THSD7A: variants seen among roughly 807,000 people sequenced by gnomAD.
THSD7A encodes thrombospondin type 1 domain containing 7A.
THSD7A carries 96 observed loss-of-function variants against 231.3 expected under a neutral mutation model. That is an observed-to-expected ratio of 0.41 (90% confidence interval 0.35 to 0.49). The LOEUF (loss-of-function observed/expected upper bound fraction) is 0.49, where lower values mean the gene tolerates loss of function less well. Ranked by LOEUF, THSD7A falls within the 20% of genes least tolerant of loss-of-function variation. The probability of loss-of-function intolerance (pLI) is 0.05; values close to 1 mark genes in which losing one functional copy is unlikely to be tolerated. For synonymous variants in THSD7A, 940 were observed against 743.3 expected (o/e 1.26, Z -4.30); for missense variants, 2,290 against 2,070.2 (o/e 1.11, Z -2.06).
intron 14 of THSD7A, among the ~76,000 whole-genome samples, chr7:11,427,049 G>C (rs1222269990): frequency 6.6e-6 from 1 of 152,122 alleles, no homozygotes; most frequent in Non-Finnish European, 1.5e-5. Context: ...TATATTTATA[G>C]ATTGATCTAT....
chr7:11,811,601 C>T (rs995493330), intron 1 of THSD7A, among the ~76,000 whole-genome samples: 2 of 152,090 alleles, frequency 1.3e-5, no homozygotes, highest in Non-Finnish European at 2.9e-5. Context: ...TTAAAGTACA[C>T]GAGACAGAAT....
At chr7:11,651,555 T>G (rs899960232) in intron 1 of THSD7A, among the ~76,000 whole-genome samples, 1 of 152,042 alleles carries the variant, frequency 6.6e-6, no homozygotes, top group South Asian at 2.1e-4. Flanking sequence ...CCCACCCTTT[T>G]TTAGTCATGT....
At chr7:11,532,975 A>T (rs1380979363) in intron 6 of THSD7A, among the ~76,000 whole-genome samples, 1 of 152,224 alleles carries the variant, frequency 6.6e-6, no homozygotes. Flanking sequence ...TGATTCACAG[A>T]AGACCCTCTC....
chr7:11,784,248 G>GTA (rs1467981771), intron 1 of THSD7A, among the ~76,000 whole-genome samples: 105 of 149,330 alleles, frequency 7.0e-4, no homozygotes, highest in South Asian at 4.0e-3. Context: ...GTGTGTGTGT[G>GTA]TATATATATA....
At chr7:11,399,359 T>A (rs1016359846) in intron 23 of THSD7A, among the ~76,000 whole-genome samples, 1 of 152,242 alleles carries the variant, frequency 6.6e-6, no homozygotes, top group Non-Finnish European at 1.5e-5. Context: ...ATTTTATTTA[T>A]GGTAATGACA....
At chr7:11,548,420 C>T (rs553384900) in intron 4 of THSD7A, among the ~76,000 whole-genome samples, 1 of 152,070 alleles carries the variant, frequency 6.6e-6, no homozygotes, top group Non-Finnish European at 1.5e-5. Context: ...CAGTTGAATT[C>T]TACCATATAT....
Position 11,474,763 on chromosome 7 carries a change from A to G in THSD7A, c.2018-195T>C, listed in dbSNP as rs1786088150. Among the ~76,000 whole-genome samples, 1 of 152,150 alleles carries G rather than the reference A, an allele frequency of 6.6e-6. No homozygotes were observed. The highest frequency in any genetic ancestry group is 1.5e-5 in the Non-Finnish European group (1 of 68,010). ...AGGGGTTAAAAATAGTTTCTGCTAC[A>G]CTCAAGGATCTCATAATGTAGTAGG... On this transcript the variant is annotated intron_variant, in intron 7 of 27. Coordinates refer to ENST00000423059, the MANE Select transcript of THSD7A (RefSeq NM_015204.3). The surrounding 1 kb of genome is among the most constrained non-coding windows in gnomAD (Gnocchi z 4.1).
At chr7:11,749,195 T>C (rs1197987749) in intron 1 of THSD7A, among the ~76,000 whole-genome samples, 6 of 152,002 alleles carry the variant, frequency 3.9e-5, no homozygotes, top group Admixed American at 3.9e-4. Flanking sequence ...GTGCTCCTTA[T>C]CACACATTCT....
intron 2 of THSD7A, among the ~76,000 whole-genome samples, chr7:11,630,981 T>G (rs926625213): frequency 7.2e-5 from 11 of 152,182 alleles, no homozygotes; most frequent in African/African-American, 2.7e-4. Context: ...ATTCTACCTT[T>G]GACAGCTTAC....
chr7:11,546,197 C>CGTGTGTGTGT (rs1410217248), intron 4 of THSD7A, among the ~76,000 whole-genome samples: 9 of 78,468 alleles, frequency 1.1e-4, no homozygotes, highest in African/African-American at 6.1e-4. Context: ...CTGGTGTGGG[C>CGTGTGTGTGT]GCGCGCTCAC....
At chr7:11,824,152 G>T (rs1364506157) in intron 1 of THSD7A, among the ~76,000 whole-genome samples, 2 of 151,990 alleles carry the variant, frequency 1.3e-5, no homozygotes, top group East Asian at 1.9e-4. Flanking sequence ...TTCACAGTCT[G>T]CACTGTCTCT....
chr7:11,713,930 C>A (rs1473324328), intron 1 of THSD7A, among the ~76,000 whole-genome samples: 3 of 151,070 alleles, frequency 2.0e-5, no homozygotes, highest in Non-Finnish European at 4.4e-5. Context: ...AAAGACAGTT[C>A]TTTAAAAATA....
intron 1 of THSD7A, among the ~76,000 whole-genome samples, chr7:11,769,318 A>G (rs1023582519): frequency 2.7e-5 from 4 of 150,802 alleles, no homozygotes; most frequent in South Asian, 2.1e-4. Context: ...TTTGAAAGCA[A>G]TCACCTGTAG....
chr7:11,380,092 A>C (rs1782451572), intron 24 of THSD7A, among the ~76,000 whole-genome samples: 1 of 152,216 alleles, frequency 6.6e-6, no homozygotes, highest in Non-Finnish European at 1.5e-5. Flanking sequence ...TGGAGATTCA[A>C]AACAATAGTT....
At chr7:11,428,624 G>A (rs576304181) in intron 14 of THSD7A, among the ~76,000 whole-genome samples, 6 of 152,260 alleles carry the variant, frequency 3.9e-5, no homozygotes, top group African/African-American at 1.4e-4. Flanking sequence ...CTATAAGAAT[G>A]AGATAATCTC....
intron 23 of THSD7A, among the ~76,000 whole-genome samples, chr7:11,395,728 A>G (rs1783159337): frequency 1.3e-5 from 2 of 151,954 alleles, no homozygotes; most frequent in South Asian, 2.1e-4. Flanking sequence ...GGGTTTCACC[A>G]TATTGGCCAG....
In THSD7A at chr7:11,494,990, A is replaced by G. The variant is rs1256925474; in HGVS notation, c.1823-13008T>C. On this transcript the variant is annotated intron_variant, in intron 6 of 27. Coordinates refer to ENST00000423059, the MANE Select transcript of THSD7A (RefSeq NM_015204.3). ...TGGGAGATGAAACTGCAGTATGAAGAAGACTTTTCATAAATGGATGTTTAA... is the reference window on the plus strand; with the variant it reads ...TGGGAGATGAAACTGCAGTATGAAGGAGACTTTTCATAAATGGATGTTTAA... Among the ~76,000 whole-genome samples the G allele has an allele frequency of 2.0e-5, 3 of 152,070 alleles. No homozygotes were observed. The East Asian group carries it at 5.8e-4, about 29-fold the overall frequency.
At chr7:11,495,060 C>T (rs1313002239) in intron 6 of THSD7A, among the ~76,000 whole-genome samples, 2 of 151,918 alleles carry the variant, frequency 1.3e-5, no homozygotes, top group Non-Finnish European at 2.9e-5. Flanking sequence ...TTGTTTTTGA[C>T]ATTTCAGTAA....
intron 11 of THSD7A, among the ~76,000 whole-genome samples, chr7:11,456,274 T>C (rs541239483): frequency 6.6e-6 from 1 of 152,058 alleles, no homozygotes; most frequent in Non-Finnish European, 1.5e-5. Context: ...TTTTCTCTCT[T>C]GTCTTCCATA....
Sources: allele counts gnomAD v4.1 joint callset (sites outside exome capture counted in the v4.1 genomes callset), GRCh38; gene constraint gnomAD v4.1.1; non-coding constraint Gnocchi (gnomAD v3.1); transcripts MANE v1.5; gene names NCBI Gene and HGNC (gene_info 2026-07-23, HGNC 2026-07-21).